Variants in SLAMF9 observed in about 807,000 individuals in gnomAD.
The protein encoded by SLAMF9 is CD2 family member 10.
SLAMF9 carries 25 observed loss-of-function variants against 30.4 expected under a neutral mutation model. The ratio of observed to expected loss-of-function variants is 0.82; its 90% confidence interval spans 0.60 to 1.15. The LOEUF (loss-of-function observed/expected upper bound fraction) is 1.15. SLAMF9 is among the 50% of genes most tolerant of loss of function. The pLI is 0.00. For synonymous variants in SLAMF9, 129 were observed against 127.2 expected, an observed-to-expected ratio of 1.01 and a Z score of -0.09; for missense variants, 344 against 346.1, an observed-to-expected ratio of 0.99 and a Z score of 0.05.
upstream of SLAMF9, among the ~76,000 whole-genome samples, chr1:159,956,998 T>C (rs1367309744): frequency 4.5e-4 from 68 of 151,342 alleles, no homozygotes; most frequent in Non-Finnish European, 3.5e-4. Flanking sequence ...GGCGGGTGCC[T>C]GTAGTCTCAG....
the SLAMF9 span, among the ~76,000 whole-genome samples, chr1:159,967,312 A>G: frequency 1.3e-5 from 2 of 152,142 alleles, no homozygotes. Flanking sequence ...GCATGGTGTA[A>G]GATAAAGATC....
chr1:159,970,985 G>T, the SLAMF9 span, among the ~76,000 whole-genome samples: 1 of 152,154 alleles, frequency 6.6e-6, no homozygotes, highest in African/African-American at 2.4e-5. Context: ...TACTCTTCTG[G>T]CATCAGTGTG....
the SLAMF9 span, among the ~76,000 whole-genome samples, chr1:159,981,347 T>C: frequency 3.3e-5 from 5 of 152,038 alleles, no homozygotes; most frequent in Admixed American, 6.6e-5. Context: ...CCTCCAGATA[T>C]ATGAGGAAAT....
Position 159,951,624 on chromosome 1 carries a change from A to G in SLAMF9, c.*37T>C, listed in dbSNP as rs1410657628. ...AGGAAGGATTCTCTGGGTGCTGGGA[A>G]GAAACCAAGCTCAGGACTGGGGTTC... On this transcript the variant is annotated 3_prime_UTR_variant, in exon 4 of 4. Coordinates refer to ENST00000368093, the MANE Select transcript of SLAMF9 (RefSeq NM_033438.4). 1 of 1,599,006 alleles carries G rather than the reference A, an allele frequency of 6.3e-7. No individual in the cohort carries two copies. Among genetic ancestry groups the G allele is most frequent in the South Asian group, 1.1e-5 (1 of 90,394 alleles).
At chr1:159,959,704 C>A in the SLAMF9 span, among the ~76,000 whole-genome samples, 2 of 152,044 alleles carry the variant, frequency 1.3e-5, no homozygotes, top group Non-Finnish European at 2.9e-5. Context: ...ATCACTATAC[C>A]CTGGGGAAGA....
the SLAMF9 span, among the ~76,000 whole-genome samples, chr1:159,960,588 C>T: frequency 2.0e-5 from 3 of 152,002 alleles, no homozygotes; most frequent in Non-Finnish European, 4.4e-5. Context: ...ACCTCAGCCT[C>T]CCAAGTAGCT....
chr1:159,983,766 C>T, the SLAMF9 span: 7 of 152,272 alleles, frequency 4.6e-5, no homozygotes, highest in African/African-American at 1.7e-4. Context: ...GAGTGCTTCC[C>T]CTGGTCAGTG....
At chr1:159,962,713 A>G in the SLAMF9 span, among the ~76,000 whole-genome samples, 1 of 152,214 alleles carries the variant, frequency 6.6e-6, no homozygotes, top group African/African-American at 2.4e-5. Context: ...TTTTCTCTGA[A>G]GTGGAGTCAA....
chr1:159,977,237 G>T, the SLAMF9 span: 1 of 152,136 alleles, frequency 6.6e-6, no homozygotes, highest in South Asian at 2.1e-4. Flanking sequence ...CAAATTCCTG[G>T]CACTCATTTC....
chr1:159,951,924 G>T (rs1651759459), intron 3 of SLAMF9, 58 bp from the exon 4 acceptor site: 2 of 1,503,360 alleles, frequency 1.3e-6, no homozygotes, highest in Non-Finnish European at 1.8e-6. Flanking sequence ...GTTAAGATTT[G>T]GGCAGACTCC....
At chr1:159,951,919 G>A in intron 3 of SLAMF9, 53 bp from the exon 4 acceptor site, 1 of 1,537,910 alleles carries the variant, frequency 6.5e-7, no homozygotes, top group Non-Finnish European at 8.9e-7. Flanking sequence ...TTGGGGTTAA[G>A]ATTTGGGCAG....
chr1:159,975,399 C>T, the SLAMF9 span, among the ~76,000 whole-genome samples: 1 of 152,002 alleles, frequency 6.6e-6, no homozygotes, highest in Non-Finnish European at 1.5e-5. Context: ...TAGGGAGAGG[C>T]TGTTTCAAGA....
At chr1:159,965,739 A>G in the SLAMF9 span, 16 of 152,244 alleles carry the variant, frequency 1.1e-4, no homozygotes. Flanking sequence ...TTTGGAACTC[A>G]GAAGGCAATC....
At chr1:159,975,201 T>C in the SLAMF9 span, among the ~76,000 whole-genome samples, 1 of 152,240 alleles carries the variant, frequency 6.6e-6, no homozygotes, top group African/African-American at 2.4e-5. Flanking sequence ...CAATCATTTA[T>C]TGAGTACCTC....
the SLAMF9 span, among the ~76,000 whole-genome samples, chr1:159,971,740 TG>T: frequency 3.3e-5 from 5 of 152,086 alleles, no homozygotes; most frequent in Non-Finnish European, 7.4e-5. Flanking sequence ...CAGTAGAAAG[TG>T]GGCGTCCTGG....
At chr1:159,974,132 C>T in the SLAMF9 span, 1 of 1,191,824 alleles carries the variant, frequency 8.4e-7, no homozygotes, top group Non-Finnish European at 1.2e-6. Context: ...TCCCTCTGTC[C>T]TCCAGCCTAA....
At chr1:159,978,097 G>C in the SLAMF9 span, among the ~76,000 whole-genome samples, 3 of 152,190 alleles carry the variant, frequency 2.0e-5, no homozygotes, top group African/African-American at 7.2e-5. Context: ...TTCCTATTAA[G>C]TTCCATAGGA....
At chr1:159,961,152 G>T in the SLAMF9 span, 1 of 152,160 alleles carries the variant, frequency 6.6e-6, no homozygotes, top group African/African-American at 2.4e-5. Flanking sequence ...GTAATGTTTA[G>T]ACTTTCTCTC....
the SLAMF9 span, among the ~76,000 whole-genome samples, chr1:159,968,835 G>C: frequency 6.6e-6 from 1 of 152,170 alleles, no homozygotes; most frequent in Non-Finnish European, 1.5e-5. Flanking sequence ...TGGATCACCT[G>C]AGGTCAGGAG....
Sources: allele counts gnomAD v4.1 joint callset (sites outside exome capture counted in the v4.1 genomes callset), GRCh38; gene constraint gnomAD v4.1.1; transcripts MANE v1.5; gene names NCBI Gene and HGNC (gene_info 2026-07-23, HGNC 2026-07-21).